The following CENPP variants were observed in gnomAD, a reference collection of about 807,000 sequenced individuals.
CENPP encodes the protein centromere protein P.
In CENPP, 24 loss-of-function variants were observed where a neutral mutation model predicts 35.6. The observed-to-expected ratio is 0.67, with a 90% confidence interval of 0.49 to 0.95. CENPP has a LOEUF of 0.95. Ranked by LOEUF, CENPP falls within the 40% of genes least tolerant of loss-of-function variation. The probability of loss-of-function intolerance (pLI) is 0.00; values close to 1 mark genes in which losing one functional copy is unlikely to be tolerated. For missense variants in CENPP, 332 were observed against 345.3 expected (o/e 0.96, Z 0.31); for synonymous variants, 120 against 125.5 (o/e 0.96, Z 0.29).
At chr9:92,572,790 T>C (rs1440791293) in intron 5 of CENPP, among the ~76,000 whole-genome samples, 1 of 152,188 alleles carries the variant, frequency 6.6e-6, no homozygotes, top group East Asian at 1.9e-4. Context: ...GTTCATTTCT[T>C]TTTATTCTTT....
chr9:92,434,783 C>T (rs1844206515), intron 5 of CENPP, among the ~76,000 whole-genome samples: 1 of 152,136 alleles, frequency 6.6e-6, no homozygotes, highest in African/African-American at 2.4e-5. Context: ...TGGCTCACAC[C>T]TGTAATCCCA....
intron 5 of CENPP, chr9:92,517,825 C>T (rs769488943): frequency 2.5e-6 from 4 of 1,614,212 alleles, no homozygotes; most frequent in Non-Finnish European, 3.4e-6. Context: ...GGCGACCACA[C>T]AGCTTTGTTG....
chr9:92,406,841 A>C lies in CENPP; in HGVS notation c.564+26982A>C, dbSNP rs185161906. Among the ~76,000 whole-genome samples, 268 of 152,276 alleles carry C rather than the reference A, an allele frequency of 1.8e-3. 1 individual carries two copies. The highest frequency in any genetic ancestry group is 6.1e-3 in the African/African-American group (252 of 41,558). On this transcript the variant is annotated intron_variant, in intron 5 of 7. Coordinates refer to ENST00000375587, the MANE Select transcript of CENPP (RefSeq NM_001012267.3). ...ACAACATTGCAGCCTGCTTCTTCAC[A>C]GCTAGAGGAGGAAATAGTCTTCTGG...
intron 5 of CENPP, chr9:92,512,202 A>G (rs1049929177): frequency 7.7e-6 from 7 of 908,254 alleles, no homozygotes; most frequent in Middle Eastern, 2.2e-4. Flanking sequence ...GCATGTGTGC[A>G]TAGATATCAA....
chr9:92,494,672 G>A (rs1004119325), intron 5 of CENPP, among the ~76,000 whole-genome samples: 12 of 152,120 alleles, frequency 7.9e-5, no homozygotes, highest in Non-Finnish European at 1.0e-4. Flanking sequence ...ACTTTGGGAG[G>A]CCGAGGCGGT....
Position 92,590,440 on chromosome 9 carries a change from C to T in CENPP, c.565-20874C>T, listed in dbSNP as rs565446294. Among the ~76,000 whole-genome samples, 7 of 152,044 alleles carry T rather than the reference C, an allele frequency of 4.6e-5. No individual in the cohort carries two copies. The East Asian group carries it at 7.7e-4, about 17-fold the overall frequency. On this transcript the variant is annotated intron_variant, in intron 5 of 7. Coordinates refer to ENST00000375587, the MANE Select transcript of CENPP (RefSeq NM_001012267.3). Reference sequence around the variant, plus strand: ...TGTAGAATTCGTATTTGTCTGAGGCCGAAGTATGACTTTTAGGAAATTGGA... The same window carrying T: ...TGTAGAATTCGTATTTGTCTGAGGCTGAAGTATGACTTTTAGGAAATTGGA...
intron 5 of CENPP, among the ~76,000 whole-genome samples, chr9:92,392,436 A>G (rs887471128): frequency 6.6e-6 from 1 of 152,160 alleles, no homozygotes; most frequent in African/African-American, 2.4e-5. Context: ...AGCCTGGCCA[A>G]CATGGTGAAA....
chr9:92,607,057 G>A (rs752925586), intron 5 of CENPP, among the ~76,000 whole-genome samples: 17 of 152,182 alleles, frequency 1.1e-4, no homozygotes, highest in Middle Eastern at 3.2e-3. Context: ...ATTGGATAAA[G>A]AAAATGTGGT....
At chr9:92,413,822 G>A (rs1843510813) in intron 5 of CENPP, among the ~76,000 whole-genome samples, 1 of 152,150 alleles carries the variant, frequency 6.6e-6, no homozygotes, top group East Asian at 1.9e-4. Flanking sequence ...GAACAGGTGG[G>A]CGTTCTGGTT....
intron 4 of CENPP, among the ~76,000 whole-genome samples, chr9:92,346,415 G>A (rs1367773194): frequency 1.3e-5 from 2 of 152,226 alleles, no homozygotes; most frequent in East Asian, 3.8e-4. Flanking sequence ...CACTGTGCCA[G>A]CAGGGAGCAT....
intron 5 of CENPP, among the ~76,000 whole-genome samples, chr9:92,559,945 G>A (rs1023425500): frequency 2.6e-5 from 4 of 152,294 alleles, no homozygotes; most frequent in East Asian, 1.9e-4. Context: ...CACAAGGATC[G>A]CTTGAGCAAC....
At chr9:92,329,182 CTTTT>C (rs11366828) in intron 1 of CENPP, among the ~76,000 whole-genome samples, 6 of 104,374 alleles carry the variant, frequency 5.7e-5, no homozygotes, top group Admixed American at 2.9e-4. Flanking sequence ...ATATTTATGG[CTTTT>C]TTTTTTTTTT....
intron 5 of CENPP, among the ~76,000 whole-genome samples, chr9:92,520,393 G>GAAATGCAAATCAAAAGC (rs770335792): frequency 2.0e-4 from 31 of 152,238 alleles, no homozygotes; most frequent in Non-Finnish European, 4.3e-4. Context: ...AGTTGTTAGG[G>GAAATGCAAATCAAAAGC]AAATGCAAAT....
intron 5 of CENPP, among the ~76,000 whole-genome samples, chr9:92,439,225 G>A (rs1445065592): frequency 1.3e-5 from 2 of 151,992 alleles, no homozygotes; most frequent in African/African-American, 4.8e-5. Context: ...AATAATAGTG[G>A]CTTAAGACTA....
chr9:92,514,363 C>T (rs1431664679), intron 5 of CENPP, among the ~76,000 whole-genome samples: 1 of 151,760 alleles, frequency 6.6e-6, no homozygotes, highest in Non-Finnish European at 1.5e-5. Context: ...CAACCTCCGC[C>T]TCCTGGATTC....
At chr9:92,357,419 TA>T (rs1441864346) in intron 4 of CENPP, among the ~76,000 whole-genome samples, 1 of 149,786 alleles carries the variant, frequency 6.7e-6, no homozygotes, top group Non-Finnish European at 1.5e-5. Flanking sequence ...TTTTTTGTTT[TA>T]TTTTTCTTTT....
chr9:92,616,049 T>C lies in CENPP; in HGVS notation c.*2900T>C, dbSNP rs1224269326. On this transcript the variant is annotated 3_prime_UTR_variant, in exon 8 of 8. Coordinates refer to ENST00000375587, the MANE Select transcript of CENPP (RefSeq NM_001012267.3). ...CCTCGATGAAGGGACGACAGGCCTTTGATCAGAGCTGCAAGTAAAAAGTAC... is the reference window on the plus strand; with the variant it reads ...CCTCGATGAAGGGACGACAGGCCTTCGATCAGAGCTGCAAGTAAAAAGTAC... The C allele has an allele frequency of 6.2e-7, 1 of 1,613,138 alleles. No homozygotes were observed. Among genetic ancestry groups the C allele is most frequent in the Non-Finnish European group, 8.5e-7 (1 of 1,179,268 alleles).
intron 5 of CENPP, among the ~76,000 whole-genome samples, chr9:92,489,673 C>T (rs1006504674): frequency 2.0e-5 from 3 of 152,030 alleles, no homozygotes; most frequent in African/African-American, 7.3e-5. Flanking sequence ...TTTCCTCACC[C>T]ACTTGGCTCC....
intron 4 of CENPP, among the ~76,000 whole-genome samples, chr9:92,374,314 C>A (rs1038118556): frequency 2.0e-5 from 3 of 149,812 alleles, no homozygotes; most frequent in Admixed American, 6.7e-5. Flanking sequence ...AAGTGATTCT[C>A]CTGTCTCAGC....
Sources: allele counts gnomAD v4.1 joint callset (sites outside exome capture counted in the v4.1 genomes callset), GRCh38; gene constraint gnomAD v4.1.1; transcripts MANE v1.5; gene names NCBI Gene and HGNC (gene_info 2026-07-23, HGNC 2026-07-21).